Variants in USP15 observed in about 807,000 individuals in gnomAD.
USP15 encodes ubiquitin specific peptidase 15, also known as ubiquitin carboxyl-terminal hydrolase 15.
A neutral mutation model predicts 127.1 loss-of-function variants in USP15; 18 were observed. That is an observed-to-expected ratio of 0.14 (90% CI 0.10 to 0.21). The LOEUF (loss-of-function observed/expected upper bound fraction) is 0.21, where lower values mean the gene tolerates loss of function less well. Ranked by LOEUF, USP15 falls within the 10% of genes least tolerant of loss-of-function variation. The pLI is 1.00. For synonymous variants in USP15, 364 were observed against 393.7 expected (o/e 0.92, Z 0.89); for missense variants, 805 against 1,159.9 (o/e 0.69, Z 4.44).
chr12:62,416,014 T>C lies in USP15; in HGVS notation c.*11639T>C, dbSNP rs1358082904. ...CAAGAGAGCAAAGAGTATGGTACAG[T>C]CAGTCCACCCAGGTTGCCTGTTAAC... On this transcript the variant is annotated 3_prime_UTR_variant, in exon 22 of 22. Coordinates refer to ENST00000280377, the MANE Select transcript of USP15 (RefSeq NM_001252078.2). 6.6e-6 allele frequency: 1 copy of C among 152,202 alleles called. No homozygotes were observed. Among genetic ancestry groups the C allele is most frequent in the Non-Finnish European group, 1.5e-5 (1 of 68,048 alleles). 9.4% of individuals were successfully genotyped at this position (152,202 alleles called of 1,614,324 possible). A position where few individuals can be genotyped will look rare whatever the true frequency, so the allele number is the denominator to read the frequency against.
intron 11 of USP15, among the ~76,000 whole-genome samples, chr12:62,385,625 A>G (rs2137587593): frequency 6.6e-6 from 1 of 152,150 alleles, no homozygotes; most frequent in East Asian, 1.9e-4. Context: ...CTGTGAGCAG[A>G]GCCAATAAAG....
At chr12:62,332,691 GA>G (rs2065340728) in intron 6 of USP15, among the ~76,000 whole-genome samples, 1 of 152,118 alleles carries the variant, frequency 6.6e-6, no homozygotes, top group South Asian at 2.1e-4. Context: ...AACATCCAGA[GA>G]AAAATGTACT....
rs2067919202 is a variant in USP15 at position 62,407,802 on chromosome 12, CAT to C, written c.*3429_*3430del. 1 of 152,056 alleles carries C rather than the reference CAT, an allele frequency of 6.6e-6. No individual in the cohort carries two copies. The highest frequency in any genetic ancestry group is 6.6e-5 in the Admixed American group (1 of 15,244). 9.4% of individuals were successfully genotyped at this position (152,056 alleles called of 1,614,324 possible). On this transcript the variant is annotated 3_prime_UTR_variant, in exon 22 of 22. Coordinates refer to ENST00000280377, the MANE Select transcript of USP15 (RefSeq NM_001252078.2). ...TGTCGCCCAGGCTGGAGTGCAGTGA[CAT>C]AATCATAGTTCACTGTAACCTTGAA... is the stretch of plus-strand genomic sequence containing the variant.
chr12:62,398,022 T>G (rs982562842), intron 20 of USP15, among the ~76,000 whole-genome samples: 1 of 151,616 alleles, frequency 6.6e-6, no homozygotes, highest in African/African-American at 2.4e-5. Flanking sequence ...AGACTGGCTC[T>G]CTCTCTGTCA....
intron 11 of USP15, among the ~76,000 whole-genome samples, chr12:62,386,483 A>C (rs2067152631): frequency 6.6e-6 from 1 of 152,120 alleles, no homozygotes; most frequent in Non-Finnish European, 1.5e-5. Flanking sequence ...GTGCTGCAAG[A>C]GAACACAGAG....
At chr12:62,330,933 GAAA>G in intron 6 of USP15, among the ~76,000 whole-genome samples, 1 of 120,326 alleles carries the variant, frequency 8.3e-6, no homozygotes, top group African/African-American at 3.2e-5. Context: ...CTCCAAAAAG[GAAA>G]AAAAAAAAAA....
At chr12:62,400,071 G>T (rs535902311) in intron 20 of USP15, among the ~76,000 whole-genome samples, 2 of 152,172 alleles carry the variant, frequency 1.3e-5, no homozygotes, top group East Asian at 3.9e-4. Context: ...TTTAGAAGCC[G>T]TACCCTACAA....
At position 62,314,849 on chromosome 12, in the gene USP15, G is replaced by T. The variant is rs1315049362; in HGVS notation, c.408G>T (p.Leu136Phe). The T allele has an allele frequency of 6.3e-7, 1 of 1,599,406 alleles. No homozygotes were observed. The highest frequency in any genetic ancestry group is 8.5e-7 in the Non-Finnish European group (1 of 1,172,928). Residue 136 changes from leucine (L) to phenylalanine (F), a missense_variant, in exon 4 of 22, where the codon TTG (leucine) becomes TTT (phenylalanine). By Grantham distance (22) the Leu-to-Phe change is conservative. Transcript: ENST00000280377. Reference sequence around the variant, plus strand: ...AAGTAGAAGTATATCTCACAGAATTGAAGCTATGTGAAAATGGAAACATGA... The same window carrying T: ...AAGTAGAAGTATATCTCACAGAATTTAAGCTATGTGAAAATGGAAACATGA... ...HCKVEVYLTELKLCENGNMNN... is the reference protein window; with the variant it reads ...HCKVEVYLTEFKLCENGNMNN...
intron 6 of USP15, among the ~76,000 whole-genome samples, chr12:62,329,795 TTGGGTATGGTGTAG>T (rs1160636295): frequency 6.6e-6 from 1 of 152,182 alleles, no homozygotes; most frequent in African/African-American, 2.4e-5. Context: ...ATGCCAAGTA[TTGGGTATGGTGTAG>T]ATATCTGTGT....
At chr12:62,385,482 A>C (rs1452227444) in intron 11 of USP15, among the ~76,000 whole-genome samples, 3 of 152,134 alleles carry the variant, frequency 2.0e-5, no homozygotes, top group Admixed American at 1.3e-4. Flanking sequence ...TCTAGTAGAT[A>C]CTAGGTATGT....
intron 8 of USP15, chr12:62,374,632 TATA>T (rs879423462): frequency 1.4e-5 from 13 of 937,924 alleles, no homozygotes; most frequent in Non-Finnish European, 1.7e-5. Flanking sequence ...GATTTGGTTA[TATA>T]ATAGAACATT....
At chr12:62,333,602 T>C (rs575472471) in intron 6 of USP15, among the ~76,000 whole-genome samples, 17 of 152,292 alleles carry the variant, frequency 1.1e-4, no homozygotes, top group Admixed American at 6.5e-4. Context: ...GTTATCTTTT[T>C]AAAAGACATT....
Position 62,321,466 on chromosome 12 carries a change from A to G in USP15, c.478A>G (p.Thr160Ala). Residue 160 changes from threonine to alanine, a missense_variant and splice_region_variant, in exon 5 of 22, where the codon ACA becomes GCA. Thr to Ala is a moderately conservative substitution (Grantham distance 58, BLOSUM62 0). Transcript: ENST00000280377. ...ATATCTTTCCTCCTTAAATCTAGAT[A>G]CAATTGAAAAGGAAATAAGAAAAAT... ...RRFSKADTID[T>A]IEKEIRKIFS... 1.3e-6 allele frequency: 2 copies of G among 1,558,200 alleles called. No homozygotes were observed. The highest frequency in any genetic ancestry group is 1.8e-6 in the Non-Finnish European group (2 of 1,142,432).
intron 6 of USP15, among the ~76,000 whole-genome samples, chr12:62,332,554 AT>A (rs2065335957): frequency 6.6e-6 from 1 of 152,118 alleles, no homozygotes; most frequent in South Asian, 2.1e-4. Flanking sequence ...AGAAAATTTG[AT>A]TTAAATTTAT....
chr12:62,321,654 G>T, intron 5 of USP15, 45 bp downstream of exon 5: 1 of 1,426,086 alleles, frequency 7.0e-7, no homozygotes, highest in Non-Finnish European at 9.3e-7. Flanking sequence ...GAAGGTTTTT[G>T]GATTCACAAA....
intron 18 of USP15, 70 bp from the exon 19 acceptor site, chr12:62,392,983 G>A (rs1243561012): frequency 6.5e-7 from 1 of 1,543,590 alleles, no homozygotes; most frequent in Non-Finnish European, 8.8e-7. Flanking sequence ...AAACATTTTT[G>A]TTTATTATTT....
At chr12:62,388,408 C>T (rs146126063) in intron 11 of USP15, among the ~76,000 whole-genome samples, 3,349 of 152,272 alleles carry the variant, frequency 0.022, 125 homozygotes, top group African/African-American at 0.075. Context: ...GTTGGGATTA[C>T]AGGCGTGAGC....
chr12:62,308,133 T>C (rs376373905), intron 3 of USP15, among the ~76,000 whole-genome samples: 31 of 152,224 alleles, frequency 2.0e-4, no homozygotes, highest in African/African-American at 7.5e-4. Flanking sequence ...TCTCGGAATA[T>C]ATGTCTTCAA....
chr12:62,401,393 T>C, intron 21 of USP15, 118 bp downstream of exon 21: 1 of 632,458 alleles, frequency 1.6e-6, no homozygotes, highest in South Asian at 2.5e-5. Flanking sequence ...CTTGAGTAGC[T>C]AAAAGACACT....
Sources: gnomAD v4.1 joint callset for allele counts (sites outside exome capture counted in the v4.1 genomes callset) on GRCh38, gnomAD v4.1.1 for gene constraint, MANE v1.5 for transcripts, NCBI Gene and HGNC (gene_info 2026-07-23, HGNC 2026-07-21) for gene names.